LARP4: variants seen among roughly 807,000 people sequenced by gnomAD.
LARP4 encodes the protein la-related protein 4.
A neutral mutation model predicts 92.9 loss-of-function variants in LARP4; 29 were observed. The observed-to-expected ratio is 0.31, with a 90% CI of 0.23 to 0.43. LARP4 has a LOEUF of 0.43. Among genes scored for constraint, LARP4 ranks in the 20% least tolerant of loss-of-function variants. LARP4 has a pLI of 1.00. For synonymous variants in LARP4, 279 were observed against 284.1 expected (o/e 0.98, Z 0.18); for missense variants, 732 against 860.0 (o/e 0.85, Z 1.86).
chr12:50,458,527 A>G (rs1359959277), intron 10 of LARP4, among the ~76,000 whole-genome samples: 2 of 152,228 alleles, frequency 1.3e-5, no homozygotes, highest in African/African-American at 2.4e-5. Flanking sequence ...TGGTGGGGTT[A>G]TAATTATTCA....
chr12:50,462,611 G>T lies in LARP4; in HGVS notation c.1364G>T (p.Arg455Leu). 1 of 1,342,268 alleles carries T rather than the reference G, an allele frequency of 7.5e-7. No individual in the cohort carries two copies. Among genetic ancestry groups the T allele is most frequent in the East Asian group, 4.5e-5 (1 of 22,060 alleles). The allele number at this position is 1,342,268 out of a possible 1,614,324, so 83.1% of individuals were successfully genotyped here. A position where few individuals can be genotyped will look rare whatever the true frequency, so the allele number is the denominator to read the frequency against. The change falls in exon 12 of 16, where the codon CGA (arginine) becomes CTA (leucine). Residue 455 changes from arginine to leucine, a missense_variant. This residue lies in a region of LARP4 where 264 missense variants were observed against 269.5 expected (regional missense o/e 0.98). Coordinates refer to ENST00000398473, the MANE Select transcript of LARP4 (RefSeq NM_052879.5). ...ACTCTCTTCAGAGGTCGAAGACGAC[G>T]AGAAGATGACAGGATCTCAGTAAGT... ...RRTLFRGRRR[R>L]EDDRISRPHP...
At chr12:50,471,640 C>T (rs1042254128) in intron 13 of LARP4, among the ~76,000 whole-genome samples, 1 of 152,250 alleles carries the variant, frequency 6.6e-6, no homozygotes, top group Admixed American at 6.5e-5. Context: ...TCTTGTGCCT[C>T]AGCCTCCTGA....
intron 1 of LARP4, among the ~76,000 whole-genome samples, chr12:50,426,684 G>GGGGGGGGT (rs774548049): frequency 8.1e-5 from 7 of 86,168 alleles, no homozygotes; most frequent in African/African-American, 3.5e-4. Flanking sequence ...TTATGTTTGG[G>GGGGGGGGT]GTGTGTGTGT....
intron 12 of LARP4, among the ~76,000 whole-genome samples, chr12:50,464,025 T>C (rs1053979578): frequency 5.9e-5 from 9 of 152,296 alleles, no homozygotes; most frequent in South Asian, 2.1e-4. Flanking sequence ...CTATCTTCTT[T>C]TGAGCCTTCC....
intron 13 of LARP4, among the ~76,000 whole-genome samples, chr12:50,471,682 G>A (rs763135628): frequency 1.3e-5 from 2 of 151,996 alleles, no homozygotes; most frequent in Non-Finnish European, 2.9e-5. Context: ...CACCATGCCC[G>A]GCTAATTTTT....
intron 1 of LARP4, among the ~76,000 whole-genome samples, chr12:50,405,309 C>G (rs192555163): frequency 6.6e-6 from 1 of 152,232 alleles, no homozygotes; most frequent in East Asian, 1.9e-4. Context: ...GCCATGAATT[C>G]TTTTACAACA....
intron 8 of LARP4, among the ~76,000 whole-genome samples, chr12:50,448,552 C>T (rs1371738668): frequency 2.0e-5 from 3 of 151,842 alleles, no homozygotes; most frequent in Non-Finnish European, 4.4e-5. Flanking sequence ...TTTGAGACTG[C>T]GTCTTGCTCT....
intron 10 of LARP4, among the ~76,000 whole-genome samples, chr12:50,455,582 A>G (rs964577299): frequency 6.6e-6 from 1 of 152,142 alleles, no homozygotes; most frequent in Non-Finnish European, 1.5e-5. Context: ...TGTTTTTCCA[A>G]GATGACTTCT....
intron 8 of LARP4, among the ~76,000 whole-genome samples, chr12:50,445,997 T>G (rs917049736): frequency 2.0e-5 from 3 of 146,742 alleles, no homozygotes; most frequent in Non-Finnish European, 3.0e-5. Context: ...TCTTTTTTTC[T>G]TTTTTCTTTT....
chr12:50,432,860 CAAAAA>C (rs10660517), intron 4 of LARP4, among the ~76,000 whole-genome samples: 5 of 124,452 alleles, frequency 4.0e-5, no homozygotes, highest in Non-Finnish European at 8.0e-5. Flanking sequence ...GACTTCGTTT[CAAAAA>C]AAAAAAAAAA....
chr12:50,452,529 T>C (rs1354828740), intron 8 of LARP4, among the ~76,000 whole-genome samples: 1 of 152,202 alleles, frequency 6.6e-6, no homozygotes, highest in Non-Finnish European at 1.5e-5. Flanking sequence ...ATACTGGCTA[T>C]ACTAATTTAC....
In LARP4 at chr12:50,467,143, T is replaced by A. The variant is rs764454668; in HGVS notation, c.1545+23T>A. 8 of 1,565,910 alleles carry A rather than the reference T, an allele frequency of 5.1e-6. 1 individual carries two copies. In the Admixed American group the frequency reaches 1.0e-4, roughly 20 times the overall value. On this transcript the variant is annotated intron_variant, in intron 13 of 15. Coordinates refer to ENST00000398473, the MANE Select transcript of LARP4 (RefSeq NM_052879.5). ...AAGGTAAACACCCAGCATCTGAGTC[T>A]TACCTTATGAGACCATATTTAGGCT...
intron 1 of LARP4, among the ~76,000 whole-genome samples, chr12:50,402,206 C>G (rs1337662065): frequency 6.6e-6 from 1 of 150,728 alleles, no homozygotes; most frequent in Admixed American, 6.6e-5. Context: ...TTTTTTTTCT[C>G]TTTAAACTAA....
chr12:50,459,498 C>A (rs955823761), intron 10 of LARP4, among the ~76,000 whole-genome samples: 1 of 152,030 alleles, frequency 6.6e-6, no homozygotes, highest in African/African-American at 2.4e-5. Context: ...CCTTCGCCCC[C>A]GTTTTTACTC....
chr12:50,445,092 G>A (rs1336127212), intron 8 of LARP4, among the ~76,000 whole-genome samples: 2 of 147,934 alleles, frequency 1.4e-5, no homozygotes, highest in Non-Finnish European at 3.0e-5. Flanking sequence ...TGGTAGAGAC[G>A]GAGTTTTGCT....
In LARP4 at chr12:50,476,273, C is replaced by G. The variant is rs1957524569; in HGVS notation, c.*409C>G. On this transcript the variant is annotated 3_prime_UTR_variant, in exon 16 of 16. Transcript: ENST00000398473. ...GAAAATATTTTTTGAAGAAGCATTTCTGTAAAATTAGAAATTACTTTTTTT... is the reference window on the plus strand; with the variant it reads ...GAAAATATTTTTTGAAGAAGCATTTGTGTAAAATTAGAAATTACTTTTTTT... 1 of 152,442 alleles carries G rather than the reference C, an allele frequency of 6.6e-6. No homozygotes were observed. Among genetic ancestry groups the G allele is most frequent in the African/African-American group, 2.4e-5 (1 of 41,422 alleles). 9.4% of individuals were successfully genotyped at this position (152,442 alleles called of 1,614,324 possible). A position where few individuals can be genotyped will look rare whatever the true frequency, so the allele number is the denominator to read the frequency against.
intron 1 of LARP4, among the ~76,000 whole-genome samples, chr12:50,404,790 A>G (rs1944497653): frequency 6.7e-6 from 1 of 149,258 alleles, no homozygotes; most frequent in South Asian, 2.2e-4. Flanking sequence ...CCTGGGTTCA[A>G]GTGATTCTCC....
chr12:50,465,078 C>G (rs905947101), intron 12 of LARP4, among the ~76,000 whole-genome samples: 1 of 151,650 alleles, frequency 6.6e-6, no homozygotes, highest in Non-Finnish European at 1.5e-5. Flanking sequence ...TTAGGCCCTG[C>G]ATGGTGGCTC....
At chr12:50,432,819 C>T (rs1949855756) in intron 4 of LARP4, among the ~76,000 whole-genome samples, 1 of 138,204 alleles carries the variant, frequency 7.2e-6, no homozygotes, top group Admixed American at 8.1e-5. Context: ...GAGATCGCAC[C>T]ATTGCACTCC....
Sources: allele counts gnomAD v4.1 joint callset (sites outside exome capture counted in the v4.1 genomes callset), GRCh38; gene constraint gnomAD v4.1.1; regional missense constraint gnomAD v4.1.1; transcripts MANE v1.5; gene names NCBI Gene and HGNC (gene_info 2026-07-23, HGNC 2026-07-21).